Variants in LCK observed in about 807,000 individuals in gnomAD.
The protein encoded by LCK is tyrosine-protein kinase Lck.
Under a neutral mutation model 64.6 loss-of-function variants are expected in LCK, and 14 were observed. The observed-to-expected ratio is 0.22, with a 90% CI of 0.14 to 0.34. LCK has a LOEUF of 0.34. LCK is among the 10% of genes least tolerant of loss of function. The pLI is 1.00. For missense variants in LCK, 434 were observed against 668.1 expected (o/e 0.65, Z 3.86); for synonymous variants, 277 against 263.6 (o/e 1.05, Z -0.49).
At position 32,275,805 on chromosome 1, in the gene LCK, C is replaced by T; in HGVS notation, c.482-109C>T. 5 of 1,403,180 alleles carry T rather than the reference C, an allele frequency of 3.6e-6. No homozygotes were observed. In the East Asian group the frequency reaches 9.8e-5, roughly 27 times the overall value. 86.9% of individuals were successfully genotyped at this position (1,403,180 alleles called of 1,614,324 possible). Reference sequence around the variant, plus strand: ...GCGGGATGAGCCCGAGGTGGGGGCGCGGGATGACCCGGAGTTGGGGGTGCT... The same window carrying T: ...GCGGGATGAGCCCGAGGTGGGGGCGTGGGATGACCCGGAGTTGGGGGTGCT... On this transcript the variant is annotated intron_variant, in intron 6 of 12. Transcript: ENST00000336890. This position sits in a 1 kb window ranked among gnomAD's most constrained non-coding sequence, Gnocchi z 6.9.
At position 32,279,963 on chromosome 1, in the gene LCK, C is replaced by T. The variant is rs1640401423; in HGVS notation, c.1164C>T (p.Leu388=). The change falls in exon 11 of 13, where the codon CTC becomes CTT. Residue 388 remains leucine, a synonymous_variant. Transcript: ENST00000336890. ...TTGCAGACTTTGGCCTAGCACGCCT[C>T]ATTGAGGACAACGAGTACACAGCCA... The part of the protein sequence containing the change: ...CKIADFGLAR[L]IEDNEYTARE... 3 of 1,614,164 alleles carry T rather than the reference C, an allele frequency of 1.9e-6. No individual in the cohort carries two copies. The highest frequency in any genetic ancestry group is 1.7e-6 in the Non-Finnish European group (2 of 1,180,042).
rs748781059 is a variant in LCK, at chr1:32,276,308, C to G, written c.632-29C>G. ...GTCAATACGAGGCCTGCCCTATTGA[C>G]AGCCTTCACCCCTCCCTCGTCCTCG... On this transcript the variant is annotated intron_variant, in intron 7 of 12. Coordinates refer to ENST00000336890, the MANE Select transcript of LCK (RefSeq NM_005356.5). The surrounding 1 kb of genome is among the most constrained non-coding windows in gnomAD (Gnocchi z 4.6). 5.9e-6 allele frequency: 9 copies of G among 1,533,020 alleles called. No individual in the cohort carries two copies. In the Middle Eastern group the frequency reaches 7.4e-4, roughly 126 times the overall value. The allele number at this position is 1,533,020 out of a possible 1,614,324, so 95.0% of individuals were successfully genotyped here. A position where few individuals can be genotyped will look rare whatever the true frequency, so the allele number is the denominator to read the frequency against.
intron 1 of LCK, among the ~76,000 whole-genome samples, chr1:32,272,587 AAGAG>A (rs1165086234): frequency 5.4e-4 from 71 of 131,770 alleles, no homozygotes; most frequent in Non-Finnish European, 8.8e-4. Context: ...GAGAGAGAGA[AAGAG>A]AGAGAGAGAG....
chr1:32,259,252 A>G (rs896585628), intron 1 of LCK, among the ~76,000 whole-genome samples: 5 of 146,980 alleles, frequency 3.4e-5, no homozygotes, highest in East Asian at 4.0e-4. Context: ...AAAAAATACA[A>G]AAATTACCCG....
At chr1:32,285,451 A>G in intron 12 of LCK, 63 bp from the exon 13 acceptor site, 4 of 1,449,512 alleles carry the variant, frequency 2.8e-6, no homozygotes, top group Non-Finnish European at 2.9e-6. Context: ...TATTCCGAAC[A>G]TTACCCTTGC....
At chr1:32,265,359 A>C (rs994328862) in intron 1 of LCK, among the ~76,000 whole-genome samples, 1 of 152,232 alleles carries the variant, frequency 6.6e-6, no homozygotes, top group African/African-American at 2.4e-5. Context: ...GAGCATGTAA[A>C]CTTCAGGCTG....
chr1:32,268,187 C>T (rs1639977928), intron 1 of LCK, among the ~76,000 whole-genome samples: 1 of 151,518 alleles, frequency 6.6e-6, no homozygotes, highest in Non-Finnish European at 1.5e-5. Context: ...GAGTGAGACT[C>T]TGTCTCAAAA....
chr1:32,265,310 A>T (rs1639880298), intron 1 of LCK, among the ~76,000 whole-genome samples: 1 of 152,260 alleles, frequency 6.6e-6, no homozygotes, highest in African/African-American at 2.4e-5. Flanking sequence ...TATTAAAATA[A>T]CCTAAAGGCC....
At chr1:32,254,584 C>T (rs1037906464) in intron 1 of LCK, among the ~76,000 whole-genome samples, 1 of 152,132 alleles carries the variant, frequency 6.6e-6, no homozygotes, top group African/African-American at 2.4e-5. Context: ...GCGAGCTTGG[C>T]TCACTGCAAC....
At chr1:32,271,620 G>A (rs559797293) in intron 1 of LCK, among the ~76,000 whole-genome samples, 1 of 152,220 alleles carries the variant, frequency 6.6e-6, no homozygotes, top group African/African-American at 2.4e-5. Flanking sequence ...GTTAGGATTG[G>A]GTCATTGCAC....
intron 9 of LCK, among the ~76,000 whole-genome samples, chr1:32,279,015 A>G (rs1315043356): frequency 6.6e-6 from 1 of 152,014 alleles, no homozygotes; most frequent in Non-Finnish European, 1.5e-5. Flanking sequence ...TATTCAGCAC[A>G]TAGTTATTGT....
In LCK at chr1:32,262,411, G is replaced by T. The variant is rs538607372; in HGVS notation, c.-6+11040G>T. Among the ~76,000 whole-genome samples, 3 of 148,778 alleles carry T rather than the reference G, an allele frequency of 2.0e-5. No individual in the cohort carries two copies. The South Asian group carries it at 6.4e-4, about 32-fold the overall frequency. ...AGCTACTTGGGAGGCTGTGGCAGGA[G>T]AATCTCTTTTTCTTTTCTTTTTTTT... On this transcript the variant is annotated intron_variant, in intron 1 of 12. Coordinates refer to ENST00000336890, the MANE Select transcript of LCK (RefSeq NM_005356.5).
At chr1:32,266,776 C>T (rs1389279426) in intron 1 of LCK, among the ~76,000 whole-genome samples, 1 of 30,414 alleles carries the variant, frequency 3.3e-5, no homozygotes, top group African/African-American at 1.9e-4. Flanking sequence ...CCTCCCCTTC[C>T]CCCTCCTCCC....
chr1:32,268,064 C>A (rs1244340132), intron 1 of LCK, among the ~76,000 whole-genome samples: 2 of 151,760 alleles, frequency 1.3e-5, no homozygotes, highest in East Asian at 1.9e-4. Flanking sequence ...TGTGGCGGCA[C>A]GCGCCTGTAG....
At position 32,285,576 on chromosome 1, in the gene LCK, A is replaced by G. The variant is rs751837372; in HGVS notation, c.1390A>G (p.Asn464Asp). Residue 464 changes from asparagine to aspartate, a missense_variant, in exon 13 of 13, where the codon AAC (asparagine) becomes GAC (aspartate). This residue lies in a region of LCK where 201 missense variants were observed against 376.9 expected (regional missense o/e 0.53). Transcript: ENST00000336890. ...ERGYRMVRPD[N>D]CPEELYQLMR... is the part of the protein sequence containing the mutation. Reference sequence around the variant, plus strand: ...AGGCTACCGCATGGTGCGCCCTGACAACTGTCCAGAGGAGCTGTACCAACT... The same window carrying G: ...AGGCTACCGCATGGTGCGCCCTGACGACTGTCCAGAGGAGCTGTACCAACT... The G allele has an allele frequency of 8.1e-6, 13 of 1,614,110 alleles. No individual in the cohort carries two copies. Among genetic ancestry groups the G allele is most frequent in the Non-Finnish European group, 8.5e-7 (1 of 1,180,052 alleles).
At position 32,285,527 on chromosome 1, in the gene LCK, G is replaced by A. The variant is rs777215464; in HGVS notation, c.1341G>A (p.Pro447=). The change falls in exon 13 of 13, where the codon CCG becomes CCA. Residue 447 remains proline (P), a synonymous_variant. Transcript: ENST00000336890. ...ATCAACCCGTAGGGATGACCAACCC[G>A]GAGGTGATTCAGAACCTGGAGCGAG... ...GRIPYPGMTN[P]EVIQNLERGY... The A allele has an allele frequency of 2.9e-5, 47 of 1,614,042 alleles. No individual in the cohort carries two copies. The highest frequency in any genetic ancestry group is 1.2e-4 in the African/African-American group (9 of 74,928).
chr1:32,258,266 G>C (rs1264528422), intron 1 of LCK, among the ~76,000 whole-genome samples: 6 of 147,762 alleles, frequency 4.1e-5, no homozygotes, highest in African/African-American at 1.5e-4. Context: ...CTGGGCAACA[G>C]AGTGAGATCC....
At chr1:32,259,895 A>G (rs1639725345) in intron 1 of LCK, among the ~76,000 whole-genome samples, 1 of 151,912 alleles carries the variant, frequency 6.6e-6, no homozygotes, top group Non-Finnish European at 1.5e-5. Context: ...ATTGCTTGAT[A>G]TTGTCATGAG....
chr1:32,280,151 T>A lies in LCK; in HGVS notation c.1268T>A (p.Val423Glu), dbSNP rs764046370. ...GGGACATTCACCATCAAGTCAGATG[T>A]GTGGTCTTTTGGGATCCTGCTGACG... Reference protein sequence around the residue: ...NYGTFTIKSDVWSFGILLTEI... With the variant: ...NYGTFTIKSDEWSFGILLTEI... The change falls in exon 12 of 13, where the codon GTG becomes GAG. Residue 423 changes from valine (V) to glutamate (E), a missense_variant. Val to Glu is a moderately radical substitution (Grantham distance 121). Coordinates refer to ENST00000336890, the MANE Select transcript of LCK (RefSeq NM_005356.5). 6.2e-7 allele frequency: 1 copy of A among 1,613,948 alleles called. No individual in the cohort carries two copies. The highest frequency in any genetic ancestry group is 8.5e-7 in the Non-Finnish European group (1 of 1,180,004).
Sources: allele counts gnomAD v4.1 joint callset (sites outside exome capture counted in the v4.1 genomes callset), GRCh38; gene constraint gnomAD v4.1.1; regional missense constraint gnomAD v4.1.1; non-coding constraint Gnocchi (gnomAD v3.1); transcripts MANE v1.5; gene names NCBI Gene and HGNC (gene_info 2026-07-23, HGNC 2026-07-21).